HYCC1: variants seen among roughly 807,000 people sequenced by gnomAD.
HYCC1 encodes hyccin.
the HYCC1 span, among the ~76,000 whole-genome samples, chr7:22,917,019 C>A: frequency 1.3e-5 from 2 of 152,348 alleles, no homozygotes; most frequent in South Asian, 4.1e-4. Context: ...GGTCGCTTTA[C>A]TTCCCAAGGA....
At chr7:22,982,855 G>C in the HYCC1 span, among the ~76,000 whole-genome samples, 1 of 152,106 alleles carries the variant, frequency 6.6e-6, no homozygotes, top group Non-Finnish European at 1.5e-5. Context: ...TCTAGCTTCA[G>C]CTCCTATCAC....
the HYCC1 span, chr7:22,943,488 C>CA: frequency 6.6e-6 from 1 of 152,156 alleles, no homozygotes. Flanking sequence ...CCTCAGACCA[C>CA]ACAGCTAGCA....
At chr7:22,911,134 G>C in the HYCC1 span, among the ~76,000 whole-genome samples, 2 of 152,160 alleles carry the variant, frequency 1.3e-5, no homozygotes, top group Non-Finnish European at 2.9e-5. Context: ...AAATATAGGA[G>C]TTCTTACCAT....
the HYCC1 span, among the ~76,000 whole-genome samples, chr7:22,948,146 A>G: frequency 6.6e-6 from 1 of 152,116 alleles, no homozygotes; most frequent in Non-Finnish European, 1.5e-5. Context: ...GTAAATGGGG[A>G]AAAGTAACAT....
At chr7:22,922,631 T>C in the HYCC1 span, among the ~76,000 whole-genome samples, 1 of 152,230 alleles carries the variant, frequency 6.6e-6, no homozygotes, top group Non-Finnish European at 1.5e-5. Context: ...GTTGAACCAT[T>C]ATAAGTCAGG....
At chr7:22,950,403 T>C in the HYCC1 span, among the ~76,000 whole-genome samples, 9 of 152,052 alleles carry the variant, frequency 5.9e-5, no homozygotes, top group Admixed American at 4.6e-4. Context: ...ATGTATCTAG[T>C]ACCTGGAAAA....
chr7:22,993,707 T>TAC, the HYCC1 span, among the ~76,000 whole-genome samples: 2 of 148,278 alleles, frequency 1.3e-5, no homozygotes, highest in African/African-American at 2.6e-5. Flanking sequence ...CACACACACA[T>TAC]ACACACACAC....
the HYCC1 span, among the ~76,000 whole-genome samples, chr7:22,988,867 C>G: frequency 6.6e-6 from 1 of 152,166 alleles, no homozygotes; most frequent in Admixed American, 6.5e-5. Flanking sequence ...TACACGCCAC[C>G]TCTGCAGCCC....
the HYCC1 span, chr7:22,945,835 AT>A: frequency 6.2e-7 from 1 of 1,613,704 alleles, no homozygotes; most frequent in African/African-American, 1.3e-5. Context: ...TAGCCAAACC[AT>A]GGCTACTAGG....
At chr7:22,970,799 A>G in the HYCC1 span, among the ~76,000 whole-genome samples, 1 of 152,240 alleles carries the variant, frequency 6.6e-6, no homozygotes, top group Non-Finnish European at 1.5e-5. Context: ...ATGCCAAAAA[A>G]ACAAAGCAAT....
the HYCC1 span, among the ~76,000 whole-genome samples, chr7:22,919,356 C>T: frequency 8.5e-5 from 13 of 152,100 alleles, no homozygotes; most frequent in Non-Finnish European, 1.6e-4. Context: ...TGGCGAAACC[C>T]CATCTCTACT....
the HYCC1 span, among the ~76,000 whole-genome samples, chr7:22,986,729 T>C: frequency 2.6e-5 from 4 of 152,078 alleles, no homozygotes; most frequent in Non-Finnish European, 5.9e-5. Flanking sequence ...GCACCTGTAG[T>C]CCCAGCTACT....
the HYCC1 span, among the ~76,000 whole-genome samples, chr7:22,905,308 G>T: frequency 6.6e-6 from 1 of 150,800 alleles, no homozygotes; most frequent in South Asian, 2.1e-4. Flanking sequence ...AGGTTCAAGC[G>T]ATTCTCCTGT....
chr7:22,962,145 C>T, the HYCC1 span, among the ~76,000 whole-genome samples: 1 of 152,206 alleles, frequency 6.6e-6, no homozygotes, highest in African/African-American at 2.4e-5. Context: ...TTCCACATAG[C>T]CGGAACCCTA....
At chr7:22,925,753 A>C in the HYCC1 span, among the ~76,000 whole-genome samples, 2 of 152,206 alleles carry the variant, frequency 1.3e-5, no homozygotes, top group Non-Finnish European at 2.9e-5. Context: ...GTTGGAAAAC[A>C]CTCTGCAGGA....
At chr7:22,967,898 G>A in the HYCC1 span, among the ~76,000 whole-genome samples, 14 of 152,224 alleles carry the variant, frequency 9.2e-5, no homozygotes, top group South Asian at 2.1e-4. Context: ...TTTAGGTACC[G>A]TGGTATAGTA....
At chr7:22,935,286 G>A in the HYCC1 span, 1 of 152,180 alleles carries the variant, frequency 6.6e-6, no homozygotes, top group Non-Finnish European at 1.5e-5. Flanking sequence ...GGCTTAAGAT[G>A]ATGGGGTTTT....
chr7:22,914,283 G>C, the HYCC1 span, among the ~76,000 whole-genome samples: 1 of 151,792 alleles, frequency 6.6e-6, no homozygotes, highest in Non-Finnish European at 1.5e-5. Flanking sequence ...CGCTTTGGCT[G>C]CTCACCCACA....
chr7:22,997,411 C>A, the HYCC1 span, among the ~76,000 whole-genome samples: 1 of 152,016 alleles, frequency 6.6e-6, no homozygotes, highest in Non-Finnish European at 1.5e-5. Flanking sequence ...ATTTATAGAG[C>A]AACCAAATTT....
Sources: gnomAD v4.1 joint callset for allele counts (sites outside exome capture counted in the v4.1 genomes callset) on GRCh38, gnomAD v4.1.1 for gene constraint, MANE v1.5 for transcripts, NCBI Gene and HGNC (gene_info 2026-07-23, HGNC 2026-07-21) for gene names.